ALKAL1: variants seen among roughly 807,000 people sequenced by gnomAD.
ALKAL1 encodes the protein AUG-beta.
In ALKAL1, 23 loss-of-function variants were observed where a neutral mutation model predicts 13.5. The ratio of observed to expected loss-of-function variants is 1.70; its 90% CI spans 1.23 to 2.41. The LOEUF (loss-of-function observed/expected upper bound fraction) is 2.41. Among genes scored for constraint, ALKAL1 ranks in the 30% most tolerant of loss-of-function variants. The pLI is 0.00. For missense variants in ALKAL1, 181 were observed against 178.4 expected, an observed-to-expected ratio of 1.01 and a Z score of -0.08; for synonymous variants, 85 against 77.7, an observed-to-expected ratio of 1.09 and a Z score of -0.49.
At chr8:52,542,363 A>T in intron 2 of ALKAL1, 29 bp downstream of exon 2, 1 of 1,401,656 alleles carries the variant, frequency 7.1e-7, no homozygotes. Flanking sequence ...TATTTAGTTA[A>T]TGGAATCACT....
intron 1 of ALKAL1, among the ~76,000 whole-genome samples, chr8:52,556,940 C>T (rs1189393140): frequency 2.0e-5 from 3 of 152,076 alleles, no homozygotes; most frequent in African/African-American, 7.2e-5. Flanking sequence ...ATTCTTTTGA[C>T]TTAAAGTACA....
chr8:52,542,186 C>A (rs1847320335), intron 2 of ALKAL1, among the ~76,000 whole-genome samples: 1 of 152,178 alleles, frequency 6.6e-6, no homozygotes, highest in Non-Finnish European at 1.5e-5. Flanking sequence ...TCCTGTGTAT[C>A]CTTAAAAAGT....
At chr8:52,541,580 G>C (rs763224323) in intron 2 of ALKAL1, among the ~76,000 whole-genome samples, 1 of 151,964 alleles carries the variant, frequency 6.6e-6, no homozygotes, top group Non-Finnish European at 1.5e-5. Context: ...CCAGCCTGGC[G>C]AATGTGGTGA....
At chr8:52,535,628 T>A (rs775308886) in intron 4 of ALKAL1, among the ~76,000 whole-genome samples, 3 of 149,452 alleles carry the variant, frequency 2.0e-5, no homozygotes, top group African/African-American at 7.4e-5. Context: ...TTGAGAGTAA[T>A]TGAATTAAGT....
intron 4 of ALKAL1, among the ~76,000 whole-genome samples, chr8:52,535,095 G>C (rs1847252450): frequency 6.6e-6 from 1 of 152,086 alleles, no homozygotes; most frequent in Non-Finnish European, 1.5e-5. Context: ...CACAGTACTT[G>C]TTTGGGAAAA....
intron 1 of ALKAL1, among the ~76,000 whole-genome samples, chr8:52,560,921 A>C (rs917550503): frequency 1.3e-5 from 2 of 152,344 alleles, no homozygotes; most frequent in East Asian, 1.9e-4. Flanking sequence ...TAAAATAAAT[A>C]GCTTCAAGTA....
chr8:52,544,749 T>C (rs1847350275), intron 1 of ALKAL1, among the ~76,000 whole-genome samples: 1 of 151,758 alleles, frequency 6.6e-6, no homozygotes, highest in South Asian at 2.1e-4. Flanking sequence ...AGTTCAGGAG[T>C]TCTCACCACC....
chr8:52,549,906 C>T (rs1260847254), intron 1 of ALKAL1, among the ~76,000 whole-genome samples: 1 of 152,146 alleles, frequency 6.6e-6, no homozygotes, highest in Non-Finnish European at 1.5e-5. Context: ...CACGCCACTG[C>T]ACTCCAGCCT....
intron 1 of ALKAL1, among the ~76,000 whole-genome samples, chr8:52,550,607 C>T (rs1333046431): frequency 1.3e-5 from 2 of 152,172 alleles, no homozygotes; most frequent in Non-Finnish European, 2.9e-5. Context: ...TCTCGCAGTT[C>T]TGGAGGCAAG....
intron 1 of ALKAL1, among the ~76,000 whole-genome samples, chr8:52,553,736 ATAAAG>A (rs923257133): frequency 2.4e-4 from 36 of 152,250 alleles, no homozygotes; most frequent in African/African-American, 8.2e-4. Flanking sequence ...AAATCATGTT[ATAAAG>A]TAGATTCTTT....
chr8:52,534,704 AC>A, intron 4 of ALKAL1, 104 bp from the exon 5 acceptor site: 1 of 453,568 alleles, frequency 2.2e-6, no homozygotes, highest in East Asian at 3.4e-5. Context: ...GACTCTGTGG[AC>A]TCCTAATTTA....
intron 4 of ALKAL1, among the ~76,000 whole-genome samples, chr8:52,538,028 G>A (rs555323098): frequency 6.6e-5 from 10 of 151,702 alleles, no homozygotes; most frequent in Admixed American, 1.3e-4. Context: ...CCTGGAAGGC[G>A]GAGATTGCAG....
chr8:52,541,357 T>TGCTTCG (rs1329226828), intron 2 of ALKAL1, among the ~76,000 whole-genome samples: 1 of 152,144 alleles, frequency 6.6e-6, no homozygotes, highest in Non-Finnish European at 1.5e-5. Flanking sequence ...CAGTCCCAGC[T>TGCTTCG]GCTTCGGAGG....
At chr8:52,538,848 C>T (rs1369310998) in intron 3 of ALKAL1, among the ~76,000 whole-genome samples, 4 of 152,054 alleles carry the variant, frequency 2.6e-5, no homozygotes, top group East Asian at 1.9e-4. Context: ...TTTCTCTAGC[C>T]ATTTAATACA....
At position 52,565,289 on chromosome 8, in the gene ALKAL1, C is replaced by CGAGAG. The variant is rs1341753373; in HGVS notation, c.-34_-33insCTCTC. The stretch of plus-strand genomic sequence containing the variant: ...AGCCGGGAGGAGAGAGCGGGAGACT[C>CGAGAG]CGGGAGGATCCCGACGCAGGTCCGG... On this transcript the variant is annotated 5_prime_UTR_variant, in exon 1 of 5. Coordinates refer to ENST00000358543, the MANE Select transcript of ALKAL1 (RefSeq NM_207413.4). The CGAGAG allele has an allele frequency of 7.9e-7, 1 of 1,263,398 alleles. No individual in the cohort carries two copies. Among genetic ancestry groups the CGAGAG allele is most frequent in the Non-Finnish European group, 1.0e-6 (1 of 987,382 alleles). 78.3% of individuals were successfully genotyped at this position (1,263,398 alleles called of 1,614,324 possible). A position where few individuals can be genotyped will look rare whatever the true frequency, so the allele number is the denominator to read the frequency against.
At chr8:52,560,791 T>C (rs1278982316) in intron 1 of ALKAL1, among the ~76,000 whole-genome samples, 6 of 152,294 alleles carry the variant, frequency 3.9e-5, no homozygotes, top group African/African-American at 1.4e-4. Context: ...ATGATCCTGC[T>C]AGCTAGCAGC....
At chr8:52,545,015 A>T (rs1222882293) in intron 1 of ALKAL1, among the ~76,000 whole-genome samples, 1 of 152,168 alleles carries the variant, frequency 6.6e-6, no homozygotes, top group African/African-American at 2.4e-5. Context: ...ACCTGGGCTC[A>T]AGCGATCCTC....
intron 2 of ALKAL1, 50 bp downstream of exon 2, chr8:52,542,342 C>A: frequency 8.2e-7 from 1 of 1,224,084 alleles, no homozygotes; most frequent in Non-Finnish European, 1.2e-6. Flanking sequence ...GTATTCTGCA[C>A]ACAGTCTTTT....
intron 1 of ALKAL1, among the ~76,000 whole-genome samples, chr8:52,562,868 T>G (rs1847564967): frequency 6.6e-6 from 1 of 152,134 alleles, no homozygotes; most frequent in African/African-American, 2.4e-5. Flanking sequence ...ACCTGCTGAG[T>G]GCACCCCGTG....
Sources: gnomAD v4.1 joint callset for allele counts (sites outside exome capture counted in the v4.1 genomes callset) on GRCh38, gnomAD v4.1.1 for gene constraint, MANE v1.5 for transcripts, NCBI Gene and HGNC (gene_info 2026-07-23, HGNC 2026-07-21) for gene names.